Variants in DGKI observed in about 807,000 individuals in gnomAD.
DGKI encodes DAG kinase iota.
In DGKI, 55 loss-of-function variants were observed where a neutral mutation model predicts 147.5. The observed-to-expected ratio is 0.37, with a 90% CI of 0.30 to 0.47. The LOEUF is 0.47. Ranked by LOEUF, DGKI falls within the 20% of genes least tolerant of loss-of-function variation. The pLI is 1.00. For missense variants in DGKI, 1,007 were observed against 1,323.8 expected, an observed-to-expected ratio of 0.76 and a Z score of 3.71; for synonymous variants, 469 against 477.1, an observed-to-expected ratio of 0.98 and a Z score of 0.22.
intron 28 of DGKI, among the ~76,000 whole-genome samples, chr7:137,428,379 T>C (rs979910286): frequency 3.9e-4 from 60 of 152,278 alleles, no homozygotes; most frequent in African/African-American, 1.4e-3. Context: ...TCTCAATAAA[T>C]TAGGTATTCA....
At chr7:137,667,519 C>T (rs1229793843) in intron 3 of DGKI, among the ~76,000 whole-genome samples, 1 of 152,164 alleles carries the variant, frequency 6.6e-6, no homozygotes, top group African/African-American at 2.4e-5. Flanking sequence ...GTACCATAAA[C>T]ACCATCTTAC....
chr7:137,611,349 G>A (rs1820357571), intron 8 of DGKI, among the ~76,000 whole-genome samples: 1 of 152,108 alleles, frequency 6.6e-6, no homozygotes, highest in South Asian at 2.1e-4. Context: ...AAATGCTCGT[G>A]CCCGGGCCCC....
At position 137,612,444 on chromosome 7, in the gene DGKI, T is replaced by C. The variant is rs1276020898; in HGVS notation, c.994-2835A>G. ...ACACAAAAGATAAATAGTAGGAATT[T>C]CACAGCATACCTCAAAATCCCATGG... On this transcript the variant is annotated intron_variant, in intron 8 of 32. Transcript: ENST00000614521. 3.3e-5 allele frequency among the ~76,000 whole-genome samples: 5 copies of C among 152,092 alleles called. No homozygotes were observed. The East Asian group carries it at 9.6e-4, about 29-fold the overall frequency.
chr7:137,394,242 G>A (rs565938442), intron 32 of DGKI, among the ~76,000 whole-genome samples: 21 of 152,218 alleles, frequency 1.4e-4, no homozygotes, highest in African/African-American at 2.4e-4. Context: ...GAGGCTCAAT[G>A]GAAATTCGTA....
At chr7:137,604,359 C>T (rs2128991050) in intron 10 of DGKI, among the ~76,000 whole-genome samples, 1 of 152,242 alleles carries the variant, frequency 6.6e-6, no homozygotes, top group African/African-American at 2.4e-5. Context: ...GTTGCTTGTC[C>T]AATTATTTAG....
rs80065906 is a variant in DGKI at position 137,610,977 on chromosome 7, G to A, written c.994-1368C>T. ...GAGTCACACCAGGAAAAGAGAGATC[G>A]AGGAGCTCATGGGTGCTCTAGACCC... On this transcript the variant is annotated intron_variant, in intron 8 of 32. Transcript: ENST00000614521. Among the ~76,000 whole-genome samples, 1,467 of 152,216 alleles carry A rather than the reference G, an allele frequency of 9.6e-3. 19 individuals are homozygous for A. Among genetic ancestry groups the A allele is most frequent in the African/African-American group, 0.034 (1,415 of 41,540 alleles).
chr7:137,717,198 A>G (rs1306711134), intron 1 of DGKI, among the ~76,000 whole-genome samples: 2 of 152,236 alleles, frequency 1.3e-5, no homozygotes, highest in African/African-American at 2.4e-5. Context: ...GAAAATGTCA[A>G]AAGAGTGGCT....
At chr7:137,602,830 C>T (rs1820040929) in intron 10 of DGKI, among the ~76,000 whole-genome samples, 1 of 151,822 alleles carries the variant, frequency 6.6e-6, no homozygotes, top group Non-Finnish European at 1.5e-5. Flanking sequence ...TCATAGTTAT[C>T]ACATGCTATA....
chr7:137,499,830 A>T (rs1288293037), intron 21 of DGKI, among the ~76,000 whole-genome samples: 1 of 152,096 alleles, frequency 6.6e-6, no homozygotes, highest in Non-Finnish European at 1.5e-5. Flanking sequence ...CCCATAATAG[A>T]TGTCCTGTTA....
rs1811119401 is a variant in DGKI at position 137,384,033 on chromosome 7, T to A, written c.*7187A>T. 1 of 152,096 alleles carries A rather than the reference T, an allele frequency of 6.6e-6. No individual in the cohort carries two copies. The highest frequency in any genetic ancestry group is 1.5e-5 in the Non-Finnish European group (1 of 67,966). The allele number at this position is 152,096 out of a possible 1,614,324, so 9.4% of individuals were successfully genotyped here. On this transcript the variant is annotated 3_prime_UTR_variant, in exon 33 of 33. Transcript: ENST00000614521. ...CCTCTATGTATATGACTATGTATTA[T>A]CATAACACTTAGCTTGCATACCCAC...
At chr7:137,414,534 T>C (rs554533517) in intron 28 of DGKI, among the ~76,000 whole-genome samples, 1 of 6,774 alleles carries the variant, frequency 1.5e-4, no homozygotes, top group African/African-American at 2.8e-4. Context: ...AAGTGTTATG[T>C]GTAAAAAAAA....
rs796902464 is a variant in DGKI at position 137,691,798 on chromosome 7, GTTTTT to G, written c.402-1801_402-1797del. 4.9e-4 allele frequency among the ~76,000 whole-genome samples: 47 copies of G among 95,822 alleles called. 1 individual carries two copies. Among genetic ancestry groups the G allele is most frequent in the African/African-American group, 1.4e-3 (35 of 25,650 alleles). 62.9% of individuals were successfully genotyped at this position (95,822 alleles called of 152,430 possible). Reference sequence around the variant, plus strand: ...GCTCAGCAAGTGTCTAGACCTTTGGGTTTTTTTTTTTTTTTTTTTTTTTAAGCCTC... The same window carrying G: ...GCTCAGCAAGTGTCTAGACCTTTGGGTTTTTTTTTTTTTTTTTTAAGCCTC... On this transcript the variant is annotated intron_variant, in intron 1 of 32. Transcript: ENST00000614521.
intron 15 of DGKI, 49 bp from the exon 16 acceptor site, chr7:137,578,374 G>A (rs2128979519): frequency 7.1e-7 from 1 of 1,414,912 alleles, no homozygotes; most frequent in South Asian, 1.2e-5. Flanking sequence ...ACTAAAGGTA[G>A]CGACTTAGAT....
At chr7:137,625,569 T>G (rs1430206038) in intron 6 of DGKI, among the ~76,000 whole-genome samples, 1 of 151,950 alleles carries the variant, frequency 6.6e-6, no homozygotes, top group Non-Finnish European at 1.5e-5. Flanking sequence ...TTTCTCCAAT[T>G]GACAGCACAG....
chr7:137,407,453 G>A (rs1466462891), intron 30 of DGKI, among the ~76,000 whole-genome samples: 1 of 151,992 alleles, frequency 6.6e-6, no homozygotes, highest in Non-Finnish European at 1.5e-5. Context: ...ATGAGAAACT[G>A]GAAAGATGCA....
At chr7:137,645,942 C>T (rs1440550602) in intron 5 of DGKI, among the ~76,000 whole-genome samples, 2 of 152,172 alleles carry the variant, frequency 1.3e-5, no homozygotes, top group East Asian at 3.8e-4. Flanking sequence ...ACTTCTCATG[C>T]CCTCCCTCCA....
chr7:137,381,636 TTA>T lies in DGKI; in HGVS notation c.*9582_*9583del, dbSNP rs1811064047. 1 of 152,016 alleles carries T rather than the reference TTA, an allele frequency of 6.6e-6. No homozygotes were observed. Among genetic ancestry groups the T allele is most frequent in the Non-Finnish European group, 1.5e-5 (1 of 67,992 alleles). The allele number at this position is 152,016 out of a possible 1,614,324, so 9.4% of individuals were successfully genotyped here. A position where few individuals can be genotyped will look rare whatever the true frequency, so the allele number is the denominator to read the frequency against. On this transcript the variant is annotated 3_prime_UTR_variant, in exon 33 of 33. Transcript: ENST00000614521. ...TAGAACTGAGATTGTCCTCTATTCC[TTA>T]GTTTTTCACAAGAATGGTTTTCCTC...
At chr7:137,583,972 T>G (rs888766310) in intron 14 of DGKI, among the ~76,000 whole-genome samples, 7 of 152,158 alleles carry the variant, frequency 4.6e-5, no homozygotes, top group Admixed American at 3.3e-4. Flanking sequence ...TAAAACATGT[T>G]TTAATCTAAT....
intron 28 of DGKI, among the ~76,000 whole-genome samples, chr7:137,428,739 G>A (rs888220096): frequency 5.9e-5 from 9 of 152,180 alleles, no homozygotes; most frequent in Non-Finnish European, 1.0e-4. Flanking sequence ...AAAATCACAA[G>A]CATTCTTATA....
Sources: gnomAD v4.1 joint callset for allele counts (sites outside exome capture counted in the v4.1 genomes callset) on GRCh38, gnomAD v4.1.1 for gene constraint, MANE v1.5 for transcripts, NCBI Gene and HGNC (gene_info 2026-07-23, HGNC 2026-07-21) for gene names.